The following ERBIN variants were observed in gnomAD, a reference collection of about 807,000 sequenced individuals.
ERBIN encodes the protein erbb2 interacting protein.
A neutral mutation model predicts 158.4 loss-of-function variants in ERBIN; 60 were observed. The ratio of observed to expected loss-of-function variants is 0.38; its 90% CI spans 0.31 to 0.47. The LOEUF is 0.47. ERBIN is among the 20% of genes least tolerant of loss of function. The pLI is 0.99. For synonymous variants in ERBIN, 594 were observed against 557.2 expected (o/e 1.07, Z -0.93); for missense variants, 1,610 against 1,648.0 (o/e 0.98, Z 0.40).
chr5:66,030,159 C>T (rs1756707645), intron 14 of ERBIN, among the ~76,000 whole-genome samples: 1 of 152,114 alleles, frequency 6.6e-6, no homozygotes. Flanking sequence ...CTGCCTCAGC[C>T]TCCTGAGTAG....
At chr5:65,960,671 A>G (rs1310374438) in intron 1 of ERBIN, among the ~76,000 whole-genome samples, 1 of 152,182 alleles carries the variant, frequency 6.6e-6, no homozygotes, top group Non-Finnish European at 1.5e-5. Context: ...ATTGACAACC[A>G]AATTATAATT....
intron 17 of ERBIN, among the ~76,000 whole-genome samples, chr5:66,045,639 C>G (rs189982590): frequency 2.9e-4 from 44 of 152,214 alleles, no homozygotes; most frequent in African/African-American, 1.1e-3. Context: ...AGGTTTTGTT[C>G]TCAGCTACCT....
rs1475963718 is a variant in ERBIN at position 66,068,176 on chromosome 5, A to G, written c.3634-3993A>G. 3.2e-4 allele frequency among the ~76,000 whole-genome samples: 48 copies of G among 151,894 alleles called. 1 individual carries two copies. The highest frequency in any genetic ancestry group is 5.9e-5 in the Non-Finnish European group (4 of 67,944). Reference sequence around the variant, plus strand: ...AGACCTCGTCTCTACAAAAATAATAATAATAATAATAATAACAACAACTAG... The same window carrying G: ...AGACCTCGTCTCTACAAAAATAATAGTAATAATAATAATAACAACAACTAG... On this transcript the variant is annotated intron_variant, in intron 21 of 25. Coordinates refer to ENST00000284037, the MANE Select transcript of ERBIN (RefSeq NM_001253697.2).
At chr5:65,964,960 TTTTTTTTTTA>T (rs1316987657) in intron 1 of ERBIN, among the ~76,000 whole-genome samples, 4,792 of 142,356 alleles carry the variant, frequency 0.034, 337 homozygotes, top group African/African-American at 0.12. Context: ...TTTTTTTTTT[TTTTTTTTTTA>T]AGTAGAGATG....
intron 1 of ERBIN, among the ~76,000 whole-genome samples, chr5:65,937,858 G>A (rs575889785): frequency 2.6e-5 from 4 of 152,284 alleles, no homozygotes; most frequent in South Asian, 4.1e-4. Context: ...GTAGTGAGCC[G>A]AGATCGTGCC....
intron 1 of ERBIN, among the ~76,000 whole-genome samples, chr5:65,977,295 C>G (rs1377801055): frequency 6.6e-6 from 1 of 150,934 alleles, no homozygotes; most frequent in African/African-American, 2.4e-5. Context: ...GGGCGGGGGG[C>G]TGACCCCCCC....
chr5:65,949,285 TGAG>T (rs1317298913), intron 1 of ERBIN, among the ~76,000 whole-genome samples: 2 of 152,126 alleles, frequency 1.3e-5, no homozygotes, highest in Non-Finnish European at 2.9e-5. Flanking sequence ...CTAAAGAATA[TGAG>T]GAGATTTTCA....
At position 66,019,877 on chromosome 5, in the gene ERBIN, TTTTG is replaced by T. The variant is rs1165509473; in HGVS notation, c.534-1442_534-1439del. On this transcript the variant is annotated intron_variant, in intron 7 of 25. Transcript: ENST00000284037. The stretch of plus-strand genomic sequence containing the variant: ...CTGAAGCAAGAAATGTAAGATTATG[TTTTG>T]TTCTTTCAGTCTTCTCTTCCTCCTC... 3.9e-5 allele frequency among the ~76,000 whole-genome samples: 6 copies of T among 152,240 alleles called. No individual in the cohort carries two copies. The South Asian group carries it at 1.2e-3, about 32-fold the overall frequency.
intron 1 of ERBIN, chr5:65,961,236 A>G (rs1747871644): frequency 6.6e-6 from 1 of 152,208 alleles, no homozygotes; most frequent in Non-Finnish European, 1.5e-5. Context: ...GGCCTTAATT[A>G]TGCACAAGCA....
intron 2 of ERBIN, among the ~76,000 whole-genome samples, chr5:65,990,266 T>C (rs1751716326): frequency 6.6e-6 from 1 of 152,214 alleles, no homozygotes; most frequent in African/African-American, 2.4e-5. Context: ...AGTTTCTTCA[T>C]GGAAAAATGC....
intron 13 of ERBIN, 100 bp from the exon 14 acceptor site, chr5:66,028,174 A>G: frequency 1.4e-6 from 1 of 723,430 alleles, no homozygotes; most frequent in Non-Finnish European, 2.2e-6. Flanking sequence ...TTCATGTGCA[A>G]CTATATAGCA....
intron 7 of ERBIN, among the ~76,000 whole-genome samples, chr5:66,016,149 A>T (rs1039530304): frequency 6.6e-6 from 1 of 152,180 alleles, no homozygotes; most frequent in Non-Finnish European, 1.5e-5. Context: ...GAATGTTTAT[A>T]GTGATGATTG....
intron 4 of ERBIN, among the ~76,000 whole-genome samples, chr5:66,001,634 G>T (rs1753018296): frequency 6.6e-6 from 1 of 152,084 alleles, no homozygotes; most frequent in South Asian, 2.1e-4. Flanking sequence ...GATCAGTCTA[G>T]GAAGTATATA....
At chr5:66,004,746 G>A (rs1266380502) in intron 4 of ERBIN, among the ~76,000 whole-genome samples, 1 of 152,172 alleles carries the variant, frequency 6.6e-6, no homozygotes, top group Non-Finnish European at 1.5e-5. Flanking sequence ...CATCTTTGGA[G>A]AGTAGGTAAC....
At chr5:65,940,485 C>G (rs762056893) in intron 1 of ERBIN, among the ~76,000 whole-genome samples, 2 of 129,900 alleles carry the variant, frequency 1.5e-5, no homozygotes, top group Non-Finnish European at 3.3e-5. Flanking sequence ...GTCCCCCCCC[C>G]CCCGGCCAGC....
At chr5:65,977,156 C>T (rs1296797012) in intron 1 of ERBIN, among the ~76,000 whole-genome samples, 2 of 149,728 alleles carry the variant, frequency 1.3e-5, no homozygotes, top group African/African-American at 4.9e-5. Flanking sequence ...CTGACTCCCC[C>T]ACCTCCCTCC....
At chr5:65,958,531 G>A (rs1747533651) in intron 1 of ERBIN, among the ~76,000 whole-genome samples, 1 of 152,144 alleles carries the variant, frequency 6.6e-6, no homozygotes, top group African/African-American at 2.4e-5. Flanking sequence ...TGAGGCAGGA[G>A]AATCAGGCAG....
intron 1 of ERBIN, among the ~76,000 whole-genome samples, chr5:65,928,433 C>T (rs1452589918): frequency 2.6e-5 from 4 of 152,152 alleles, no homozygotes; most frequent in Admixed American, 2.6e-4. Flanking sequence ...TGGCATTGAA[C>T]TTCAGTTTCC....
intron 20 of ERBIN, among the ~76,000 whole-genome samples, chr5:66,052,273 G>A (rs549729897): frequency 2.0e-5 from 3 of 151,780 alleles, no homozygotes; most frequent in Admixed American, 6.6e-5. Context: ...TAGTCATTTA[G>A]AGTTGTTCTT....
Sources: allele counts gnomAD v4.1 joint callset (sites outside exome capture counted in the v4.1 genomes callset), GRCh38; gene constraint gnomAD v4.1.1; transcripts MANE v1.5; gene names NCBI Gene and HGNC (gene_info 2026-07-23, HGNC 2026-07-21).